Variants in HHAT observed in about 807,000 individuals in gnomAD.
The protein encoded by HHAT is hedgehog acyltransferase.
In HHAT, 47 loss-of-function variants were observed where a neutral mutation model predicts 70.8. The observed-to-expected ratio is 0.66, with a 90% confidence interval of 0.53 to 0.85. The LOEUF (loss-of-function observed/expected upper bound fraction) is 0.85, where lower values mean the gene tolerates loss of function less well. Among genes scored for constraint, HHAT ranks in the 40% least tolerant of loss-of-function variants. The pLI, the probability that HHAT is intolerant of heterozygous loss-of-function variation, is 0.00. For synonymous variants in HHAT, 228 were observed against 247.6 expected, an observed-to-expected ratio of 0.92 and a Z score of 0.74; for missense variants, 609 against 604.8, an observed-to-expected ratio of 1.01 and a Z score of -0.07.
chr1:210,343,896 A>G (rs976414915), intron 1 of HHAT, among the ~76,000 whole-genome samples: 3 of 152,202 alleles, frequency 2.0e-5, no homozygotes, highest in Admixed American at 2.0e-4. Context: ...GAAATTCACT[A>G]ACTAGTAACT....
Position 210,562,765 on chromosome 1 carries a change from A to G in HHAT, c.1044-25133A>G, listed in dbSNP as rs2095635473. Reference sequence around the variant, plus strand: ...GGTGTGCTACATCCAGTAACTCGTCATTTAACATTAGGTATATTTCCAAAT... The same window carrying G: ...GGTGTGCTACATCCAGTAACTCGTCGTTTAACATTAGGTATATTTCCAAAT... On this transcript the variant is annotated intron_variant, in intron 9 of 11. Transcript: ENST00000261458. 3.3e-5 allele frequency among the ~76,000 whole-genome samples: 5 copies of G among 150,468 alleles called. No homozygotes were observed. In the South Asian group the frequency reaches 1.1e-3, roughly 32 times the overall value.
intron 9 of HHAT, among the ~76,000 whole-genome samples, chr1:210,544,068 T>C (rs1044070486): frequency 1.3e-5 from 2 of 152,154 alleles, no homozygotes; most frequent in African/African-American, 4.8e-5. Flanking sequence ...TCTTTGGCCC[T>C]CTCAAACACT....
At chr1:210,508,198 C>CAAAAA (rs10656040) in intron 8 of HHAT, among the ~76,000 whole-genome samples, 32,530 of 88,232 alleles carry the variant, frequency 0.37, 5,722 homozygotes, top group East Asian at 0.46. Flanking sequence ...GACTCCTTCT[C>CAAAAA]AAAAAAAAAA....
chr1:210,364,498 A>C (rs1334717543), intron 3 of HHAT, among the ~76,000 whole-genome samples: 1 of 152,260 alleles, frequency 6.6e-6, no homozygotes, highest in African/African-American at 2.4e-5. Context: ...TGCCAAGGCA[A>C]AAATAAGCAG....
At chr1:210,620,792 T>C (rs1668662962) in intron 10 of HHAT, among the ~76,000 whole-genome samples, 1 of 152,230 alleles carries the variant, frequency 6.6e-6, no homozygotes, top group Admixed American at 6.5e-5. Context: ...AAAAAACATT[T>C]ATAAAATTGA....
intron 10 of HHAT, among the ~76,000 whole-genome samples, chr1:210,597,736 C>A (rs907708458): frequency 1.3e-5 from 2 of 152,084 alleles, no homozygotes; most frequent in African/African-American, 4.8e-5. Context: ...ACAGTAGGCT[C>A]CCTTCTAGTC....
intron 7 of HHAT, among the ~76,000 whole-genome samples, chr1:210,429,705 C>T (rs1423738106): frequency 6.6e-6 from 1 of 151,706 alleles, no homozygotes; most frequent in Non-Finnish European, 1.5e-5. Flanking sequence ...TAAGTCAAAT[C>T]ACTTGCGTAT....
intron 11 of HHAT, among the ~76,000 whole-genome samples, chr1:210,673,588 CTTTTT>C (rs71571962): frequency 2.8e-5 from 4 of 140,900 alleles, no homozygotes; most frequent in African/African-American, 1.0e-4. Flanking sequence ...GTGGATTCTT[CTTTTT>C]TTTTTTTTTT....
At chr1:210,563,728 C>T (rs919918316) in intron 9 of HHAT, among the ~76,000 whole-genome samples, 6 of 152,154 alleles carry the variant, frequency 3.9e-5, no homozygotes, top group Admixed American at 2.6e-4. Context: ...TTATTCTGTT[C>T]CATAACCTCA....
At chr1:210,551,120 T>C (rs2095523774) in intron 9 of HHAT, among the ~76,000 whole-genome samples, 1 of 149,000 alleles carries the variant, frequency 6.7e-6, no homozygotes, top group Non-Finnish European at 1.5e-5. Context: ...ATAAAAGAAC[T>C]CCATGTGGCT....
At chr1:210,515,239 G>T (rs1234139351) in intron 9 of HHAT, among the ~76,000 whole-genome samples, 3 of 152,196 alleles carry the variant, frequency 2.0e-5, no homozygotes, top group Admixed American at 2.0e-4. Context: ...GGCATCCCTA[G>T]CCTCTGGGAG....
rs193018407 is a variant in HHAT at position 210,626,130 on chromosome 1, A to G, written c.1390+2460A>G. Among the ~76,000 whole-genome samples, 14 of 152,346 alleles carry G rather than the reference A, an allele frequency of 9.2e-5. No homozygotes were observed. In the East Asian group the frequency reaches 1.9e-3, roughly 21 times the overall value. On this transcript the variant is annotated intron_variant, in intron 11 of 11. Transcript: ENST00000261458. ...ATGTGAGGCCAGGGGAGTAGACACAATTAACCACGGAGCTGTGTAGAATGA... is the reference window on the plus strand; with the variant it reads ...ATGTGAGGCCAGGGGAGTAGACACAGTTAACCACGGAGCTGTGTAGAATGA...
At chr1:210,415,949 G>A (rs970311574) in intron 6 of HHAT, among the ~76,000 whole-genome samples, 4 of 151,920 alleles carry the variant, frequency 2.6e-5, no homozygotes, top group Admixed American at 6.6e-5. Flanking sequence ...GTGAGCCACC[G>A]TCCTCGGCCT....
chr1:210,629,164 T>C (rs1279429856), intron 11 of HHAT, among the ~76,000 whole-genome samples: 1 of 152,252 alleles, frequency 6.6e-6, no homozygotes, highest in Non-Finnish European at 1.5e-5. Flanking sequence ...TTTATGACCA[T>C]TCTTGGAATC....
chr1:210,514,680 G>A (rs1477233740), intron 9 of HHAT, among the ~76,000 whole-genome samples: 1 of 152,186 alleles, frequency 6.6e-6, no homozygotes, highest in Non-Finnish European at 1.5e-5. Context: ...AGGGCTAGGA[G>A]GGAATGAATG....
intron 11 of HHAT, among the ~76,000 whole-genome samples, chr1:210,651,104 G>A (rs998385933): frequency 2.6e-5 from 4 of 152,156 alleles, no homozygotes; most frequent in Non-Finnish European, 5.9e-5. Context: ...AGAACACTTG[G>A]TAAGAATTCC....
chr1:210,486,092 C>T (rs748782673), intron 8 of HHAT, among the ~76,000 whole-genome samples: 4 of 152,194 alleles, frequency 2.6e-5, no homozygotes, highest in Non-Finnish European at 4.4e-5. Context: ...TTTGCCCTTA[C>T]TCATCATCCT....
chr1:210,348,130 AG>A (rs2086678853), intron 1 of HHAT, among the ~76,000 whole-genome samples: 1 of 152,190 alleles, frequency 6.6e-6, no homozygotes, highest in Non-Finnish European at 1.5e-5. Context: ...CTATAAACCC[AG>A]CTACTCAGGA....
intron 10 of HHAT, among the ~76,000 whole-genome samples, chr1:210,618,626 A>G (rs1668230135): frequency 1.3e-5 from 2 of 151,816 alleles, no homozygotes; most frequent in Admixed American, 6.6e-5. Flanking sequence ...TCAGCCCCAC[A>G]TGCAGCCCCT....
Sources: allele counts gnomAD v4.1 joint callset (sites outside exome capture counted in the v4.1 genomes callset), GRCh38; gene constraint gnomAD v4.1.1; transcripts MANE v1.5; gene names NCBI Gene and HGNC (gene_info 2026-07-23, HGNC 2026-07-21).